The following ATP8B4 variants were observed in gnomAD, a reference collection of about 807,000 sequenced individuals.
ATP8B4 encodes probable phospholipid-transporting ATPase IM.
In ATP8B4, 133 loss-of-function variants were observed where a neutral mutation model predicts 145.6. The ratio of observed to expected loss-of-function variants is 0.91; its 90% CI spans 0.79 to 1.05. The LOEUF (loss-of-function observed/expected upper bound fraction) is 1.05. Among genes scored for constraint, ATP8B4 ranks in the 50% least tolerant of loss-of-function variants. ATP8B4 has a pLI of 0.00. For synonymous variants in ATP8B4, 507 were observed against 492.9 expected (o/e 1.03, Z -0.38); for missense variants, 1,458 against 1,425.2 (o/e 1.02, Z -0.37).
At chr15:50,080,986 A>G (rs1386790624) in intron 2 of ATP8B4, among the ~76,000 whole-genome samples, 5 of 151,926 alleles carry the variant, frequency 3.3e-5, no homozygotes, top group Non-Finnish European at 7.4e-5. Flanking sequence ...GGTGGCGGGC[A>G]CCTCTAGTCC....
In ATP8B4 at chr15:50,127,629, A is replaced by T. The variant is rs571971889; in HGVS notation, c.-42-20621T>A. On this transcript the variant is annotated intron_variant, in intron 1 of 3. Coordinates refer to the ATP8B4 transcript ENST00000558829. ...TCTCTGAGGATAGCAACCTAGACGC[A>T]TTCTCTCTTAGATAAATAAACTGCT... 2.0e-5 allele frequency among the ~76,000 whole-genome samples: 3 copies of T among 152,330 alleles called. No individual in the cohort carries two copies. The South Asian group carries it at 6.2e-4, about 32-fold the overall frequency.
chr15:49,860,240 G>A lies in ATP8B4; in HGVS notation c.3533C>T (p.Thr1178Ile), dbSNP rs1370086841. 1 of 1,614,138 alleles carries A rather than the reference G, an allele frequency of 6.2e-7. No individual in the cohort carries two copies. The highest frequency in any genetic ancestry group is 8.5e-7 in the Non-Finnish European group (1 of 1,179,982). ...SWIENLCKKT[T>I]DTVSSFSQDK... ...CTGGCTAAAGCTGCTCACGGTGTCT[G>A]TGGTTTTCTTACATAAATTTTCAAT... is the stretch of plus-strand genomic sequence containing the variant. The change falls in exon 28 of 28, where the codon ACA becomes ATA. Residue 1178 changes from threonine (T) to isoleucine (I), a missense_variant. Transcript: ENST00000284509.
chr15:50,128,972 G>A (rs1399392474), intron 1 of ATP8B4, among the ~76,000 whole-genome samples: 1 of 152,204 alleles, frequency 6.6e-6, no homozygotes, highest in Non-Finnish European at 1.5e-5. Context: ...GGAGGCTGAG[G>A]CAGAAGAATC....
intron 1 of ATP8B4, among the ~76,000 whole-genome samples, chr15:50,140,410 A>C (rs2044190585): frequency 6.6e-6 from 1 of 152,188 alleles, no homozygotes; most frequent in Non-Finnish European, 1.5e-5. Context: ...GTAATGTGTA[A>C]GCCATAATTA....
intron 3 of ATP8B4, among the ~76,000 whole-genome samples, chr15:50,070,728 GT>G (rs1352494357): frequency 1.3e-5 from 2 of 151,882 alleles, no homozygotes; most frequent in Non-Finnish European, 2.9e-5. Flanking sequence ...GGTTTTTTGT[GT>G]TGTGTTTTGT....
intron 20 of ATP8B4, among the ~76,000 whole-genome samples, chr15:49,910,931 A>G (rs879840205): frequency 3.3e-5 from 5 of 152,266 alleles, no homozygotes; most frequent in Admixed American, 1.3e-4. Flanking sequence ...GCAAAAGGAC[A>G]ATATCTACTA....
intron 1 of ATP8B4, among the ~76,000 whole-genome samples, chr15:50,132,932 G>C (rs955216873): frequency 5.3e-5 from 8 of 152,090 alleles, no homozygotes; most frequent in Non-Finnish European, 1.2e-4. Context: ...GACACAGGGA[G>C]GGGAACATCA....
At chr15:50,086,977 ATATT>A (rs1337450608) in intron 2 of ATP8B4, among the ~76,000 whole-genome samples, 5 of 106,414 alleles carry the variant, frequency 4.7e-5, no homozygotes, top group Non-Finnish European at 8.5e-5. Context: ...ATAGAGATCT[ATATT>A]TATTATATAT....
At chr15:49,943,311 A>C (rs2042308556) in intron 14 of ATP8B4, among the ~76,000 whole-genome samples, 1 of 152,172 alleles carries the variant, frequency 6.6e-6, no homozygotes, top group South Asian at 2.1e-4. Flanking sequence ...TATTTAAATA[A>C]ATAATGCCTG....
intron 6 of ATP8B4, among the ~76,000 whole-genome samples, chr15:50,034,893 A>C (rs2050722417): frequency 6.6e-6 from 1 of 152,194 alleles, no homozygotes; most frequent in African/African-American, 2.4e-5. Context: ...CTTATGAAAC[A>C]TTTAAGTATG....
chr15:50,072,709 T>C (rs1222931467), intron 3 of ATP8B4, among the ~76,000 whole-genome samples: 2 of 151,618 alleles, frequency 1.3e-5, no homozygotes, highest in African/African-American at 4.8e-5. Context: ...CACTGCAACC[T>C]CCACCTCCTG....
At chr15:49,887,579 T>A (rs2036344836) in intron 23 of ATP8B4, among the ~76,000 whole-genome samples, 1 of 151,818 alleles carries the variant, frequency 6.6e-6, no homozygotes, top group South Asian at 2.1e-4. Context: ...CTATCTCCAA[T>A]ACTCTGAACA....
intron 1 of ATP8B4, among the ~76,000 whole-genome samples, chr15:50,176,987 A>T (rs1457993827): frequency 6.6e-6 from 1 of 152,192 alleles, no homozygotes; most frequent in African/African-American, 2.4e-5. Flanking sequence ...TTGTTGGCTG[A>T]ATACCTGCAC....
intron 1 of ATP8B4, among the ~76,000 whole-genome samples, chr15:50,138,484 G>C (rs2044162868): frequency 6.6e-6 from 1 of 151,904 alleles, no homozygotes; most frequent in Non-Finnish European, 1.5e-5. Context: ...CAGACAGATA[G>C]ATAGATACCT....
intron 3 of ATP8B4, among the ~76,000 whole-genome samples, chr15:50,063,407 C>A (rs8041437): frequency 0.19 from 29,508 of 151,614 alleles, 3,601 homozygotes; most frequent in African/African-American, 0.34. Flanking sequence ...CTTCTGATTT[C>A]ATTGGCCCAT....
At chr15:49,969,095 T>C (rs1370649766) in intron 13 of ATP8B4, among the ~76,000 whole-genome samples, 2 of 152,214 alleles carry the variant, frequency 1.3e-5, no homozygotes, top group African/African-American at 4.8e-5. Context: ...AGAAACGATG[T>C]ACCAGAATCT....
rs762982328 is a variant in ATP8B4 at position 49,931,142 on chromosome 15, G to A, written c.1619C>T (p.Thr540Ile). 2.5e-6 allele frequency: 4 copies of A among 1,611,100 alleles called. No individual in the cohort carries two copies. Among genetic ancestry groups the A allele is most frequent in the Non-Finnish European group, 3.4e-6 (4 of 1,178,240 alleles). The change falls in exon 16 of 28, where the codon ACC becomes ATC. Residue 540 changes from threonine to isoleucine, a missense_variant. By Grantham distance (89) the Thr-to-Ile change is moderately conservative. Coordinates refer to ENST00000284509, the MANE Select transcript of ATP8B4 (RefSeq NM_024837.4). ...ACCTATGACAGACATCCTTTTTCTG[G>A]TGTTGTTGAAATCCAAAAAGGCAAG... ...QLLAFLDFNN[T>I]RKRMSVIVRN...
intron 6 of ATP8B4, among the ~76,000 whole-genome samples, chr15:50,031,795 C>T (rs147270470): frequency 2.7e-3 from 416 of 152,034 alleles, no homozygotes; most frequent in Admixed American, 4.6e-3. Context: ...CCTGGAAGTA[C>T]AAGGAAGGTG....
At chr15:49,915,135 A>G (rs781512509) in intron 20 of ATP8B4, among the ~76,000 whole-genome samples, 3 of 152,182 alleles carry the variant, frequency 2.0e-5, no homozygotes, top group African/African-American at 7.2e-5. Context: ...CAACCATCAA[A>G]AAAGAATGAA....
Sources: allele counts gnomAD v4.1 joint callset (sites outside exome capture counted in the v4.1 genomes callset), GRCh38; gene constraint gnomAD v4.1.1; transcripts MANE v1.5; gene names NCBI Gene and HGNC (gene_info 2026-07-23, HGNC 2026-07-21).